Variants in ETV1 observed in about 807,000 individuals in gnomAD.
ETV1 encodes ETS variant transcription factor 1.
Under a neutral mutation model 62.3 loss-of-function variants are expected in ETV1, and 27 were observed. The ratio of observed to expected loss-of-function variants is 0.43; its 90% CI spans 0.32 to 0.60. The LOEUF (loss-of-function observed/expected upper bound fraction) is 0.60. Among genes scored for constraint, ETV1 ranks in the 20% least tolerant of loss-of-function variants. The pLI is 0.06. For synonymous variants in ETV1, 222 were observed against 199.6 expected (o/e 1.11, Z -0.94); for missense variants, 605 against 605.8 (o/e 1.00, Z 0.01).
intron 12 of ETV1, among the ~76,000 whole-genome samples, chr7:13,905,003 T>C (rs943642729): frequency 1.5e-4 from 22 of 149,610 alleles, no homozygotes; most frequent in Admixed American, 6.8e-5. Flanking sequence ...CTTCTGTGTG[T>C]GCGTGCTTGA....
chr7:13,902,812 A>G (rs1782573432), intron 12 of ETV1, among the ~76,000 whole-genome samples: 1 of 152,176 alleles, frequency 6.6e-6, no homozygotes, highest in South Asian at 2.1e-4. Flanking sequence ...GTCTCTGGAG[A>G]GAGAAATATG....
intron 6 of ETV1, among the ~76,000 whole-genome samples, chr7:13,973,582 T>A (rs943550990): frequency 6.6e-6 from 1 of 152,188 alleles, no homozygotes; most frequent in Non-Finnish European, 1.5e-5. Context: ...AATTAGCTGG[T>A]TATTATGATC....
At chr7:13,944,474 A>G (rs1264929547) in intron 6 of ETV1, among the ~76,000 whole-genome samples, 1 of 151,572 alleles carries the variant, frequency 6.6e-6, no homozygotes, top group African/African-American at 2.4e-5. Flanking sequence ...CATCTTCATA[A>G]CCTAATCACT....
At chr7:13,904,081 G>A (rs2128411146) in intron 12 of ETV1, among the ~76,000 whole-genome samples, 1 of 152,234 alleles carries the variant, frequency 6.6e-6, no homozygotes, top group Middle Eastern at 3.4e-3. Flanking sequence ...GAGGGAACAG[G>A]GTGACCACAG....
intron 5 of ETV1, among the ~76,000 whole-genome samples, chr7:13,979,818 A>T (rs1468821266): frequency 6.6e-6 from 1 of 152,134 alleles, no homozygotes. Context: ...TGATGGTATG[A>T]ATGTTCTAAA....
chr7:13,967,625 G>T (rs1012756499), intron 6 of ETV1, among the ~76,000 whole-genome samples: 6 of 151,878 alleles, frequency 4.0e-5, no homozygotes, highest in African/African-American at 1.5e-4. Flanking sequence ...ACTCTCATTA[G>T]GAAAAAATTC....
intron 9 of ETV1, among the ~76,000 whole-genome samples, chr7:13,928,497 C>T (rs1168316396): frequency 6.6e-6 from 1 of 152,072 alleles, no homozygotes; most frequent in Non-Finnish European, 1.5e-5. Context: ...GCCTGTAATC[C>T]CAGCTACTCC....
chr7:13,917,735 T>C (rs978800938), intron 9 of ETV1, among the ~76,000 whole-genome samples: 1 of 151,420 alleles, frequency 6.6e-6, no homozygotes, highest in Non-Finnish European at 1.5e-5. Context: ...GAGGCCAAGG[T>C]GGGTGGATCA....
chr7:13,939,495 T>C (rs1934638602), intron 6 of ETV1, among the ~76,000 whole-genome samples: 1 of 152,248 alleles, frequency 6.6e-6, no homozygotes, highest in Non-Finnish European at 1.5e-5. Flanking sequence ...GAATCACTTG[T>C]AATTTGCTTA....
chr7:13,909,037 A>T (rs1783276162), intron 11 of ETV1, among the ~76,000 whole-genome samples: 1 of 151,958 alleles, frequency 6.6e-6, no homozygotes, highest in African/African-American at 2.4e-5. Flanking sequence ...AGACCTCTGC[A>T]TTGCAATAGC....
At chr7:13,934,124 T>C (rs1350985112) in intron 8 of ETV1, among the ~76,000 whole-genome samples, 1 of 152,206 alleles carries the variant, frequency 6.6e-6, no homozygotes, top group African/African-American at 2.4e-5. Context: ...ATCTGTTTAA[T>C]GGCCCACCCT....
chr7:13,913,009 T>C (rs1174999646), intron 9 of ETV1, among the ~76,000 whole-genome samples: 6 of 152,234 alleles, frequency 3.9e-5, no homozygotes. Flanking sequence ...CTAATTAAAT[T>C]GCCTGCTGCT....
At chr7:13,907,793 C>G (rs1783126490) in intron 11 of ETV1, 1 of 468,322 alleles carries the variant, frequency 2.1e-6, no homozygotes, top group South Asian at 1.6e-5. Flanking sequence ...TAAAACTTAC[C>G]TATGGTCAGT....
Position 13,935,700 on chromosome 7 carries a change from C to A in ETV1, c.554+8G>T. 6.2e-7 allele frequency: 1 copy of A among 1,610,436 alleles called. No homozygotes were observed. Among genetic ancestry groups the A allele is most frequent in the South Asian group, 1.1e-5 (1 of 90,606 alleles). ...ACAGTTTCTAGAAAACTGGTATCTGCAGGTTACCTGTGGTCCATGGGGTAG... is the reference window on the plus strand; with the variant it reads ...ACAGTTTCTAGAAAACTGGTATCTGAAGGTTACCTGTGGTCCATGGGGTAG... On this transcript the variant is annotated splice_region_variant and intron_variant, in intron 8 of 13. Transcript: ENST00000430479.
chr7:13,954,908 C>T (rs1409718463), intron 6 of ETV1, among the ~76,000 whole-genome samples: 1 of 152,104 alleles, frequency 6.6e-6, no homozygotes, highest in East Asian at 1.9e-4. Flanking sequence ...AGCCAGCTGG[C>T]TAGGGCCAAA....
chr7:13,986,638 C>T lies in ETV1; in HGVS notation c.181G>A (p.Ala61Thr). Residue 61 changes from alanine (A) to threonine (T), a missense_variant and splice_region_variant, in exon 5 of 14, where the codon GCT (alanine) becomes ACT (threonine). This residue lies in a region of ETV1 where 426 missense variants were observed against 377.8 expected (regional missense o/e 1.13). Coordinates refer to ENST00000430479, the MANE Select transcript of ETV1 (RefSeq NM_004956.5). ...SQLQETWLAE[A>T]QVPDNDEQFV... ...CCTTTTAAAGCAAATTTTGCCTTACCTTCTGCAAGCCATGTTTCCTGTAAT... is the reference window on the plus strand; with the variant it reads ...CCTTTTAAAGCAAATTTTGCCTTACTTTCTGCAAGCCATGTTTCCTGTAAT... 2 of 1,612,442 alleles carry T rather than the reference C, an allele frequency of 1.2e-6. No individual in the cohort carries two copies. Among genetic ancestry groups the T allele is most frequent in the Non-Finnish European group, 1.7e-6 (2 of 1,179,272 alleles).
chr7:13,900,159 CA>C (rs1369385552), intron 13 of ETV1, among the ~76,000 whole-genome samples: 2 of 152,012 alleles, frequency 1.3e-5, no homozygotes, highest in East Asian at 3.9e-4. Context: ...AAGCTACTTT[CA>C]AATATTATGG....
chr7:13,911,158 A>T, intron 10 of ETV1, 81 bp downstream of exon 10: 1 of 916,324 alleles, frequency 1.1e-6, no homozygotes, highest in Non-Finnish European at 1.8e-6. Flanking sequence ...TAATATAATG[A>T]TTAATTAAAT....
At chr7:13,900,698 C>T (rs369197571) in intron 13 of ETV1, 40 bp downstream of exon 13, 2 of 1,355,282 alleles carry the variant, frequency 1.5e-6, no homozygotes, top group Admixed American at 2.0e-5. Flanking sequence ...GATTAATGTG[C>T]AACATTTCAA....
Sources: gnomAD v4.1 joint callset for allele counts (sites outside exome capture counted in the v4.1 genomes callset) on GRCh38, gnomAD v4.1.1 for gene constraint, gnomAD v4.1.1 regional missense constraint, MANE v1.5 for transcripts, NCBI Gene and HGNC (gene_info 2026-07-23, HGNC 2026-07-21) for gene names.